The following SLC5A9 variants were observed in gnomAD, a reference collection of about 807,000 sequenced individuals.
SLC5A9 encodes the protein solute carrier family 5 member 9.
SLC5A9 carries 59 observed loss-of-function variants against 70.9 expected under a neutral mutation model. That is an observed-to-expected ratio of 0.83 (90% CI 0.68 to 1.03). SLC5A9 has a LOEUF of 1.03. Ranked by LOEUF, SLC5A9 falls within the 50% of genes least tolerant of loss-of-function variation. The pLI is 0.00. For synonymous variants in SLC5A9, 340 were observed against 346.5 expected (o/e 0.98, Z 0.21); for missense variants, 832 against 881.1 (o/e 0.94, Z 0.71).
rs1644476895 is a variant in SLC5A9, at chr1:48,247,844, A to G, written c.*301A>G. The G allele has an allele frequency of 2.4e-6, 1 of 415,936 alleles. No homozygotes were observed. The highest frequency in any genetic ancestry group is 4.2e-5 in the East Asian group (1 of 23,758). The allele number at this position is 415,936 out of a possible 1,614,324, so 25.8% of individuals were successfully genotyped here. A position where few individuals can be genotyped will look rare whatever the true frequency, so the allele number is the denominator to read the frequency against. ...CACACTGTTTCCACCCTCTTCTTGA[A>G]TGTATTCAGTAGCCTTTACTGAATG... is the stretch of plus-strand genomic sequence containing the variant. On this transcript the variant is annotated 3_prime_UTR_variant, in exon 14 of 14. Transcript: ENST00000438567.
chr1:48,230,957 C>G (rs762439795), intron 5 of SLC5A9, among the ~76,000 whole-genome samples: 1 of 152,104 alleles, frequency 6.6e-6, no homozygotes, highest in East Asian at 1.9e-4. Context: ...GGAGGAGGAA[C>G]AGGTCAGGCA....
chr1:48,247,207 C>A, intron 13 of SLC5A9, 128 bp from the exon 14 acceptor site: 3 of 834,246 alleles, frequency 3.6e-6, no homozygotes, highest in South Asian at 1.7e-5. Flanking sequence ...TTTCTGTGCA[C>A]CCCCCATACT....
chr1:48,231,798 G>A (rs1644251703), intron 6 of SLC5A9, 148 bp from the exon 7 acceptor site: 1 of 1,507,834 alleles, frequency 6.6e-7, no homozygotes, highest in Non-Finnish European at 8.9e-7. Context: ...TCAAACCAAG[G>A]GTCTTGAGCC....
intron 10 of SLC5A9, among the ~76,000 whole-genome samples, chr1:48,237,297 T>A (rs1644339598): frequency 7.4e-6 from 1 of 135,932 alleles, no homozygotes; most frequent in African/African-American, 2.9e-5. Flanking sequence ...AGAGCTGCCC[T>A]ACACAGGGCA....
rs542041577 is a variant in SLC5A9, at chr1:48,225,775, C to T, written c.234+980C>T. Among the ~76,000 whole-genome samples the T allele has an allele frequency of 2.1e-3, 321 of 152,212 alleles. 1 individual carries two copies. Among genetic ancestry groups the T allele is most frequent in the African/African-American group, 7.3e-3 (304 of 41,508 alleles). On this transcript the variant is annotated intron_variant, in intron 2 of 13. Transcript: ENST00000438567. The stretch of plus-strand genomic sequence containing the variant: ...ATTCTCACACTCACACCTTCTCTCA[C>T]GCACTCACACTCTCACTCTCATACA...
At position 48,233,383 on chromosome 1, in the gene SLC5A9, AAAAGAT is replaced by A. The variant is rs1442617307; in HGVS notation, c.1034-270_1034-265del. On this transcript the variant is annotated intron_variant, in intron 8 of 13. Coordinates refer to ENST00000438567, the MANE Select transcript of SLC5A9 (RefSeq NM_001011547.3). ...CTCAAAAAAAAAAAAAAAAAAAAAA[AAAAGAT>A]AGAAAAGAACACATAATAAGCAGTT... is the stretch of plus-strand genomic sequence containing the variant. Among the ~76,000 whole-genome samples, 8 of 145,854 alleles carry A rather than the reference AAAAGAT, an allele frequency of 5.5e-5. No individual in the cohort carries two copies. In the South Asian group the frequency reaches 7.0e-4, roughly 13 times the overall value.
intron 4 of SLC5A9, among the ~76,000 whole-genome samples, chr1:48,230,360 G>A (rs1157364474): frequency 2.6e-5 from 4 of 152,166 alleles, no homozygotes; most frequent in East Asian, 1.9e-4. Flanking sequence ...GACCAGCTAC[G>A]TGATTAAATT....
intron 12 of SLC5A9, among the ~76,000 whole-genome samples, chr1:48,240,122 C>A (rs1463007398): frequency 1.3e-5 from 2 of 152,208 alleles, no homozygotes; most frequent in African/African-American, 4.8e-5. Context: ...TAAAAGACCA[C>A]CGATTGGGTG....
At chr1:48,226,984 T>A (rs549065156) in intron 2 of SLC5A9, among the ~76,000 whole-genome samples, 10 of 151,628 alleles carry the variant, frequency 6.6e-5, no homozygotes, top group African/African-American at 2.2e-4. Context: ...TTTCCATGTG[T>A]GAGTATGTAT....
rs1468074283 is a variant in SLC5A9, at chr1:48,232,435, C to T, written c.966C>T (p.Gly322=). ...SHAKGGSVLG[G]YLKILPMFFI... is the part of the protein sequence containing the mutation. ...CCAAGGGAGGCTCCGTGCTGGGGGG[C>T]TACCTGAAGATCCTCCCCATGTTCT... Residue 322 remains glycine (G), a synonymous_variant, in exon 8 of 14, where the codon GGC becomes GGT. Coordinates refer to ENST00000438567, the MANE Select transcript of SLC5A9 (RefSeq NM_001011547.3). The T allele has an allele frequency of 6.2e-7, 1 of 1,614,202 alleles. No individual in the cohort carries two copies. Among genetic ancestry groups the T allele is most frequent in the Admixed American group, 1.7e-5 (1 of 60,030 alleles).
chr1:48,242,360 G>A (rs184768842), intron 12 of SLC5A9, 97 bp from the exon 13 acceptor site: 17 of 1,413,176 alleles, frequency 1.2e-5, no homozygotes, highest in African/African-American at 2.9e-5. Context: ...TGTACTCTTT[G>A]CTTTTGCTCA....
At chr1:48,240,541 T>G (rs910618357) in intron 12 of SLC5A9, 3 of 152,252 alleles carry the variant, frequency 2.0e-5, no homozygotes, top group African/African-American at 7.2e-5. Context: ...GTTTGCAAGA[T>G]GACTTTATAC....
chr1:48,240,497 TG>T (rs1569859766), intron 12 of SLC5A9: 1 of 152,222 alleles, frequency 6.6e-6, no homozygotes, highest in Admixed American at 6.5e-5. Context: ...GTGGACATCA[TG>T]GATAATACTC....
intron 13 of SLC5A9, among the ~76,000 whole-genome samples, chr1:48,244,222 T>C (rs1644424211): frequency 6.6e-6 from 1 of 152,206 alleles, no homozygotes; most frequent in Admixed American, 6.5e-5. Context: ...TCTAGTTTTA[T>C]ACCAGCCTCT....
intron 13 of SLC5A9, among the ~76,000 whole-genome samples, chr1:48,246,705 A>T (rs1019358105): frequency 6.6e-6 from 1 of 152,156 alleles, no homozygotes; most frequent in Non-Finnish European, 1.5e-5. Flanking sequence ...CTGCTCCAGT[A>T]CTGGTAACTT....
At chr1:48,232,809 AAAG>A (rs1644269123) in intron 8 of SLC5A9, among the ~76,000 whole-genome samples, 1 of 148,608 alleles carries the variant, frequency 6.7e-6, no homozygotes, top group Non-Finnish European at 1.5e-5. Flanking sequence ...AAAGTAAAGA[AAAG>A]AGAAGAGAAG....
Position 48,239,606 on chromosome 1 carries a change from TG to T in SLC5A9, c.1677+70del. On this transcript the variant is annotated intron_variant, in intron 12 of 13. Transcript: ENST00000438567. This position sits in a 1 kb window ranked among gnomAD's most constrained non-coding sequence, Gnocchi z 4.2. Reference sequence around the variant, plus strand: ...CTTCCCCCATAGCCTAGAATTCCACTGCTGACTTTTACTCTGTTGGGTTATG... The same window carrying T: ...CTTCCCCCATAGCCTAGAATTCCACTCTGACTTTTACTCTGTTGGGTTATG... 1 of 1,442,484 alleles carries T rather than the reference TG, an allele frequency of 6.9e-7. No homozygotes were observed. The highest frequency in any genetic ancestry group is 1.2e-5 in the South Asian group (1 of 85,344). 89.4% of individuals were successfully genotyped at this position (1,442,484 alleles called of 1,614,324 possible).
chr1:48,224,748 A>G lies in SLC5A9; in HGVS notation c.187A>G (p.Thr63Ala), dbSNP rs1644120198. 1 of 1,613,958 alleles carries G rather than the reference A, an allele frequency of 6.2e-7. No homozygotes were observed. Among genetic ancestry groups the G allele is most frequent in the African/African-American group, 1.3e-5 (1 of 74,884 alleles). ...GTCGTCCATCCGTGCAAGTCGAGGG[A>G]CCATTGGCGGCTATTTCCTGGCCGG... ...IWSSIRASRG[T>A]IGGYFLAGRS... The change falls in exon 2 of 14, where the codon ACC becomes GCC. Residue 63 changes from threonine (T) to alanine (A), a missense_variant. Physicochemically the swap from Thr to Ala is moderately conservative, Grantham distance 58 (BLOSUM62 0). Transcript: ENST00000438567.
rs1033647778 is a variant in SLC5A9 at position 48,242,165 on chromosome 1, C to A, written c.1678-292C>A. 6 of 484,638 alleles carry A rather than the reference C, an allele frequency of 1.2e-5. No homozygotes were observed. In the East Asian group the frequency reaches 2.8e-4, roughly 23 times the overall value. 30.0% of individuals were successfully genotyped at this position (484,638 alleles called of 1,614,324 possible). ...AAGTGCCTGCCTCCCTGTCCAGCCTCATTTGCCTCAGTCTGTAAAATCCAT... is the reference window on the plus strand; with the variant it reads ...AAGTGCCTGCCTCCCTGTCCAGCCTAATTTGCCTCAGTCTGTAAAATCCAT... On this transcript the variant is annotated intron_variant, in intron 12 of 13. Coordinates refer to ENST00000438567, the MANE Select transcript of SLC5A9 (RefSeq NM_001011547.3).
Sources: allele counts gnomAD v4.1 joint callset (sites outside exome capture counted in the v4.1 genomes callset), GRCh38; gene constraint gnomAD v4.1.1; non-coding constraint Gnocchi (gnomAD v3.1); transcripts MANE v1.5; gene names NCBI Gene and HGNC (gene_info 2026-07-23, HGNC 2026-07-21).